The following PDE6C variants were observed in gnomAD, a reference collection of about 807,000 sequenced individuals.
PDE6C encodes cone cGMP-specific 3',5'-cyclic phosphodiesterase subunit alpha'.
In PDE6C, 75 loss-of-function variants were observed where a neutral mutation model predicts 113.1. That is an observed-to-expected ratio of 0.66 (90% CI 0.55 to 0.80). The LOEUF is 0.80. Ranked by LOEUF, PDE6C falls within the 30% of genes least tolerant of loss-of-function variation. PDE6C has a pLI of 0.00. For synonymous variants in PDE6C, 375 were observed against 363.7 expected, an observed-to-expected ratio of 1.03 and a Z score of -0.35; for missense variants, 912 against 1,038.6, an observed-to-expected ratio of 0.88 and a Z score of 1.67.
intron 16 of PDE6C, among the ~76,000 whole-genome samples, chr10:93,658,169 C>CAAAAAAAAAAAAAAAAA (rs71031527): frequency 1.8e-4 from 11 of 59,862 alleles, no homozygotes; most frequent in South Asian, 9.7e-4. Context: ...GATTCTGTCT[C>CAAAAAAAAAAAAAAAAA]AAAAAAAAAA....
intron 1 of PDE6C, among the ~76,000 whole-genome samples, chr10:93,615,724 T>C (rs535611990): frequency 1.3e-4 from 20 of 152,318 alleles, no homozygotes; most frequent in African/African-American, 3.8e-4. Flanking sequence ...CTACTTCTAA[T>C]ATGCAGCCAA....
intron 8 of PDE6C, 59 bp downstream of exon 8, chr10:93,629,364 C>G: frequency 8.0e-7 from 1 of 1,246,018 alleles, no homozygotes; most frequent in Non-Finnish European, 1.2e-6. Flanking sequence ...AGTGGATGCT[C>G]TCGCCTCTCC....
chr10:93,645,769 T>G lies in PDE6C; in HGVS notation c.1848-191T>G, dbSNP rs1358241104. On this transcript the variant is annotated intron_variant, in intron 14 of 21. Coordinates refer to ENST00000371447, the MANE Select transcript of PDE6C (RefSeq NM_006204.4). ...CATTTATGCATTCAACAAATTAAGG[T>G]TTTTTTTTTCCAAAAGAGCATATTC... 6.7e-5 allele frequency among the ~76,000 whole-genome samples: 6 copies of G among 88,944 alleles called. No individual in the cohort carries two copies. The East Asian group carries it at 1.3e-3, about 19-fold the overall frequency. The allele number at this position is 88,944 out of a possible 152,430, so 58.4% of individuals were successfully genotyped here. A position where few individuals can be genotyped will look rare whatever the true frequency, so the allele number is the denominator to read the frequency against.
intron 8 of PDE6C, 42 bp from the exon 9 acceptor site, chr10:93,634,715 TA>T (rs754214046): frequency 1.4e-5 from 23 of 1,610,244 alleles, no homozygotes; most frequent in Non-Finnish European, 2.0e-5. Flanking sequence ...TATTTCAAAC[TA>T]AAAAGGCAAA....
Position 93,621,728 on chromosome 10 carries a change from G to T in PDE6C, c.724-204G>T, listed in dbSNP as rs977854633. Among the ~76,000 whole-genome samples the T allele has an allele frequency of 4.6e-5, 7 of 152,162 alleles. No homozygotes were observed. In the South Asian group the frequency reaches 6.2e-4, roughly 14 times the overall value. On this transcript the variant is annotated intron_variant, in intron 3 of 21. Transcript: ENST00000371447. ...ATAGCTTCTCTCTCTCCATAGACCCGCAGCCTTGCAAAAGTCTACTCATCA... is the reference window on the plus strand; with the variant it reads ...ATAGCTTCTCTCTCTCCATAGACCCTCAGCCTTGCAAAAGTCTACTCATCA...
At chr10:93,664,716 C>A (rs183320939) in intron 21 of PDE6C, among the ~76,000 whole-genome samples, 76 of 152,202 alleles carry the variant, frequency 5.0e-4, no homozygotes, top group African/African-American at 1.7e-3. Context: ...TTTGCTACTA[C>A]ATAGAGAATT....
At chr10:93,662,279 A>C (rs2058669160) in intron 19 of PDE6C, 146 bp downstream of exon 19, 1 of 707,142 alleles carries the variant, frequency 1.4e-6, no homozygotes, top group African/African-American at 1.8e-5. Flanking sequence ...CCTGACCAAC[A>C]TGGTGTAACC....
rs776930660 is a variant in PDE6C at position 93,629,383 on chromosome 10, C to G, written c.1119+78C>G. 345 of 1,040,044 alleles carry G rather than the reference C, an allele frequency of 3.3e-4. 3 individuals carry two copies. The highest frequency in any genetic ancestry group is 2.6e-3 in the Middle Eastern group (13 of 4,928). The allele number at this position is 1,040,044 out of a possible 1,614,324, so 64.4% of individuals were successfully genotyped here. ...GATGCTCTCGCCTCTCCTCCACCCC[C>G]AGAGTCCGCCTGATGCTCAGGTGTG... is the stretch of plus-strand genomic sequence containing the variant. On this transcript the variant is annotated intron_variant, in intron 8 of 21. Transcript: ENST00000371447.
chr10:93,643,354 ACTGT>A (rs1206079153), intron 14 of PDE6C, among the ~76,000 whole-genome samples: 1 of 151,964 alleles, frequency 6.6e-6, no homozygotes, highest in African/African-American at 2.4e-5. Context: ...CTGACTGCAG[ACTGT>A]CAGTGTGTGT....
chr10:93,624,409 C>T lies in PDE6C; in HGVS notation c.865-1166C>T, dbSNP rs538122192. Among the ~76,000 whole-genome samples the T allele has an allele frequency of 6.6e-5, 10 of 152,034 alleles. No homozygotes were observed. In the South Asian group the frequency reaches 1.2e-3, roughly 19 times the overall value. On this transcript the variant is annotated intron_variant, in intron 4 of 21. Coordinates refer to ENST00000371447, the MANE Select transcript of PDE6C (RefSeq NM_006204.4). ...CTGTACCACCACGTCCACTGATTTT[C>T]GGTATTTTAGTAGAGACAGGATTTC...
intron 21 of PDE6C, 48 bp from the exon 22 acceptor site, chr10:93,665,312 T>A (rs766196256): frequency 1.5e-6 from 2 of 1,318,002 alleles, no homozygotes; most frequent in Non-Finnish European, 2.2e-6. Flanking sequence ...ATAAAAACAC[T>A]GTATATCCAC....
chr10:93,645,920 T>G lies in PDE6C; in HGVS notation c.1848-40T>G, dbSNP rs775970945. Reference sequence around the variant, plus strand: ...GAATTGTATGAACCTATGTGTAATTTTTAAACAGCTAGAATCATGGCATGT... The same window carrying G: ...GAATTGTATGAACCTATGTGTAATTGTTAAACAGCTAGAATCATGGCATGT... On this transcript the variant is annotated intron_variant, in intron 14 of 21. Transcript: ENST00000371447. 2.7e-5 allele frequency: 33 copies of G among 1,234,392 alleles called. No individual in the cohort carries two copies. The East Asian group carries it at 7.2e-4, about 27-fold the overall frequency. The allele number at this position is 1,234,392 out of a possible 1,614,324, so 76.5% of individuals were successfully genotyped here.
At chr10:93,623,845 T>C (rs4919314) in intron 4 of PDE6C, among the ~76,000 whole-genome samples, 58,607 of 152,014 alleles carry the variant, frequency 0.39, 11,513 homozygotes, top group East Asian at 0.48. Flanking sequence ...CTGTCTTGAT[T>C]ATTGCAGCTT....
At position 93,660,449 on chromosome 10, in the gene PDE6C, C is replaced by T. The variant is rs558225815; in HGVS notation, c.2208+1282C>T. 9.2e-5 allele frequency among the ~76,000 whole-genome samples: 14 copies of T among 152,254 alleles called. No individual in the cohort carries two copies. The South Asian group carries it at 2.1e-3, about 23-fold the overall frequency. ...CTTGGCATCTTTGTGTCTCTGGCTC[C>T]TTTCCTCCAGGAATAGGGAGGGCAC... On this transcript the variant is annotated intron_variant, in intron 18 of 21. Coordinates refer to ENST00000371447, the MANE Select transcript of PDE6C (RefSeq NM_006204.4).
chr10:93,658,739 A>G (rs2058652375), intron 16 of PDE6C, among the ~76,000 whole-genome samples, 162 bp from the exon 17 acceptor site: 1 of 147,768 alleles, frequency 6.8e-6, no homozygotes, highest in Admixed American at 6.6e-5. Context: ...AGCCAAAGTT[A>G]TACCACCATT....
At chr10:93,619,270 C>T (rs1215228058) in intron 1 of PDE6C, among the ~76,000 whole-genome samples, 1 of 152,038 alleles carries the variant, frequency 6.6e-6, no homozygotes, top group Non-Finnish European at 1.5e-5. Flanking sequence ...TGGGAAGATC[C>T]ACTTTCCTCT....
chr10:93,640,891 A>G (rs373589266), intron 13 of PDE6C, 29 bp from the exon 14 acceptor site: 46 of 1,330,158 alleles, frequency 3.5e-5, no homozygotes, highest in Non-Finnish European at 4.9e-5. Flanking sequence ...AATAAATTAT[A>G]GATATGCATA....
chr10:93,622,461 A>G (rs1426015111), intron 4 of PDE6C, among the ~76,000 whole-genome samples: 3 of 152,076 alleles, frequency 2.0e-5, no homozygotes, highest in East Asian at 3.8e-4. Context: ...ATTATTAACT[A>G]AAGTCCATAG....
At chr10:93,649,899 C>T (rs1276096847) in intron 15 of PDE6C, among the ~76,000 whole-genome samples, 1 of 152,184 alleles carries the variant, frequency 6.6e-6, no homozygotes. Context: ...GCCACCATGC[C>T]TAGCCTAAAC....
Sources: gnomAD v4.1 joint callset for allele counts (sites outside exome capture counted in the v4.1 genomes callset) on GRCh38, gnomAD v4.1.1 for gene constraint, MANE v1.5 for transcripts, NCBI Gene and HGNC (gene_info 2026-07-23, HGNC 2026-07-21) for gene names.